The following CSE1L variants were observed in gnomAD, a reference collection of about 807,000 sequenced individuals.
CSE1L encodes chromosome segregation 1 like.
In CSE1L, 24 loss-of-function variants were observed where a neutral mutation model predicts 120.4. The observed-to-expected ratio is 0.20, with a 90% CI of 0.14 to 0.28. The LOEUF (loss-of-function observed/expected upper bound fraction) is 0.28. Ranked by LOEUF, CSE1L falls within the 10% of genes least tolerant of loss-of-function variation. The pLI, the probability that CSE1L is intolerant of heterozygous loss-of-function variation, is 1.00. For synonymous variants in CSE1L, 402 were observed against 398.3 expected, an observed-to-expected ratio of 1.01 and a Z score of -0.11; for missense variants, 830 against 1,145.2, an observed-to-expected ratio of 0.72 and a Z score of 3.97.
intron 22 of CSE1L, 32 bp downstream of exon 22, chr20:49,092,159 G>A: frequency 7.6e-7 from 1 of 1,321,576 alleles, no homozygotes; most frequent in Non-Finnish European, 1.1e-6. Context: ...TTTAAAGGAA[G>A]AAAATGTTTT....
At chr20:49,068,358 G>T (rs1337314551) in intron 6 of CSE1L, among the ~76,000 whole-genome samples, 1 of 152,140 alleles carries the variant, frequency 6.6e-6, no homozygotes, top group African/African-American at 2.4e-5. Context: ...AGAGGCCGAG[G>T]CGGGCGGATC....
intron 1 of CSE1L, among the ~76,000 whole-genome samples, chr20:49,046,916 C>G (rs1600576328): frequency 6.6e-6 from 1 of 152,240 alleles, no homozygotes; most frequent in African/African-American, 2.4e-5. Flanking sequence ...CGCGTCGTCC[C>G]TTGCCCTAAC....
In CSE1L at chr20:49,078,631, C is replaced by G. The variant is rs565891629; in HGVS notation, c.1482+9C>G. On this transcript the variant is annotated intron_variant, in intron 14 of 24. Transcript: ENST00000262982. ...TGATTTTTAGAAATCAAGTAAGTAGCTTTTTATTTGTTACACGCCACTTAA... is the reference window on the plus strand; with the variant it reads ...TGATTTTTAGAAATCAAGTAAGTAGGTTTTTATTTGTTACACGCCACTTAA... The G allele has an allele frequency of 3.3e-6, 5 of 1,537,064 alleles. No individual in the cohort carries two copies. Among genetic ancestry groups the G allele is most frequent in the African/African-American group, 2.8e-5 (2 of 72,012 alleles).
At chr20:49,075,724 C>T (rs188063014) in intron 12 of CSE1L, among the ~76,000 whole-genome samples, 1 of 152,258 alleles carries the variant, frequency 6.6e-6, no homozygotes, top group Admixed American at 6.5e-5. Context: ...GATAGATGGC[C>T]ACACTTGTTA....
intron 5 of CSE1L, among the ~76,000 whole-genome samples, 159 bp from the exon 6 acceptor site, chr20:49,067,031 C>A (rs1436143704): frequency 1.2e-4 from 12 of 100,796 alleles, no homozygotes; most frequent in Admixed American, 2.1e-4. Context: ...GACTCCGTCT[C>A]AAAAAAAAAA....
chr20:49,058,893 AG>A (rs1194611012), intron 2 of CSE1L, among the ~76,000 whole-genome samples: 1 of 152,140 alleles, frequency 6.6e-6, no homozygotes, highest in Non-Finnish European at 1.5e-5. Context: ...GCACTTTGGG[AG>A]GCTGAGGCAG....
chr20:49,066,874 C>CA (rs147924830), intron 5 of CSE1L, among the ~76,000 whole-genome samples: 8 of 150,770 alleles, frequency 5.3e-5, no homozygotes, highest in Non-Finnish European at 1.0e-4. Flanking sequence ...ACTAAAAATA[C>CA]AAAAAAAACT....
intron 22 of CSE1L, among the ~76,000 whole-genome samples, chr20:49,093,034 A>G (rs943860289): frequency 1.3e-5 from 2 of 152,226 alleles, no homozygotes; most frequent in Non-Finnish European, 2.9e-5. Context: ...GAATAAAACA[A>G]TTATAACGAT....
intron 2 of CSE1L, among the ~76,000 whole-genome samples, chr20:49,060,516 C>G (rs1471323427): frequency 6.6e-6 from 1 of 151,776 alleles, no homozygotes; most frequent in Non-Finnish European, 1.5e-5. Context: ...TTGCTCACGC[C>G]TGTAATCCCA....
intron 9 of CSE1L, 37 bp downstream of exon 9, chr20:49,072,490 T>G: frequency 6.2e-7 from 1 of 1,607,200 alleles, no homozygotes; most frequent in Non-Finnish European, 8.5e-7. Context: ...TAAAAGACAT[T>G]CTCTCCCTAT....
intron 15 of CSE1L, among the ~76,000 whole-genome samples, chr20:49,084,563 G>T (rs2092038455): frequency 1.3e-5 from 2 of 152,196 alleles, no homozygotes; most frequent in African/African-American, 4.8e-5. Flanking sequence ...AGTAGTAGTA[G>T]TGTTCTCAGC....
intron 1 of CSE1L, among the ~76,000 whole-genome samples, chr20:49,050,125 T>C (rs2091754408): frequency 6.6e-6 from 1 of 152,148 alleles, no homozygotes; most frequent in African/African-American, 2.4e-5. Context: ...TTTTTTAAAC[T>C]TAAAAATAGT....
chr20:49,073,956 T>A (rs2091950214), intron 10 of CSE1L, among the ~76,000 whole-genome samples: 2 of 152,120 alleles, frequency 1.3e-5, no homozygotes, highest in South Asian at 4.1e-4. Context: ...GGCCCATACC[T>A]TTAATCCCAA....
intron 2 of CSE1L, among the ~76,000 whole-genome samples, chr20:49,061,012 A>G (rs962058984): frequency 2.6e-5 from 4 of 152,148 alleles, no homozygotes; most frequent in East Asian, 1.9e-4. Context: ...TAATGCATCT[A>G]TCCTCTTCTA....
At chr20:49,064,215 A>G (rs1321256591) in intron 3 of CSE1L, among the ~76,000 whole-genome samples, 1 of 152,256 alleles carries the variant, frequency 6.6e-6, no homozygotes, top group Non-Finnish European at 1.5e-5. Context: ...ATAGAGAAAA[A>G]GATGAGGCTT....
intron 1 of CSE1L, among the ~76,000 whole-genome samples, chr20:49,053,875 A>T (rs951754144): frequency 1.3e-5 from 2 of 151,892 alleles, no homozygotes; most frequent in Admixed American, 1.3e-4. Context: ...TTTTTAGTAG[A>T]GATGGGGTTT....
intron 14 of CSE1L, among the ~76,000 whole-genome samples, chr20:49,080,262 T>A (rs2092001273): frequency 6.7e-6 from 1 of 149,440 alleles, no homozygotes; most frequent in East Asian, 1.9e-4. Flanking sequence ...TTTTTTTTTA[T>A]TTTTTTTGTT....
chr20:49,057,693 G>A (rs1352566829), intron 1 of CSE1L, among the ~76,000 whole-genome samples: 2 of 152,032 alleles, frequency 1.3e-5, no homozygotes, highest in Non-Finnish European at 2.9e-5. Flanking sequence ...GTGCTATGGT[G>A]CGATCTCAGC....
At chr20:49,066,040 T>A (rs912538643) in intron 3 of CSE1L, 152 bp from the exon 4 acceptor site, 6 of 649,310 alleles carry the variant, frequency 9.2e-6, no homozygotes, top group Admixed American at 3.0e-5. Context: ...TGTGACCCAT[T>A]CATGTAGAGG....
Sources: allele counts gnomAD v4.1 joint callset (sites outside exome capture counted in the v4.1 genomes callset), GRCh38; gene constraint gnomAD v4.1.1; transcripts MANE v1.5; gene names NCBI Gene and HGNC (gene_info 2026-07-23, HGNC 2026-07-21).